KANSL1L: variants seen among roughly 807,000 people sequenced by gnomAD.
KANSL1L encodes the protein KAT8 regulatory NSL complex subunit 1-like protein.
Under a neutral mutation model 108.6 loss-of-function variants are expected in KANSL1L, and 25 were observed. That is an observed-to-expected ratio of 0.23 (90% CI 0.17 to 0.32). The LOEUF (loss-of-function observed/expected upper bound fraction) is 0.32, where lower values mean the gene tolerates loss of function less well. Ranked by LOEUF, KANSL1L falls within the 10% of genes least tolerant of loss-of-function variation. KANSL1L has a pLI of 1.00. For missense variants in KANSL1L, 1,137 were observed against 1,125.7 expected (o/e 1.01, Z -0.14); for synonymous variants, 405 against 395.1 (o/e 1.03, Z -0.30).
At chr2:210,048,888 T>C (rs2094256333) in intron 6 of KANSL1L, among the ~76,000 whole-genome samples, 1 of 152,174 alleles carries the variant, frequency 6.6e-6, no homozygotes, top group Admixed American at 6.5e-5. Flanking sequence ...AACCCAATTC[T>C]TATCTTCAAA....
intron 6 of KANSL1L, among the ~76,000 whole-genome samples, chr2:210,073,623 A>G (rs1307086042): frequency 6.6e-6 from 1 of 152,138 alleles, no homozygotes; most frequent in Non-Finnish European, 1.5e-5. Flanking sequence ...GAGCTACCAT[A>G]TTGGACAGTA....
intron 2 of KANSL1L, among the ~76,000 whole-genome samples, chr2:210,137,581 AAATAT>A (rs1160905310): frequency 6.6e-6 from 1 of 152,346 alleles, no homozygotes; most frequent in Non-Finnish European, 1.5e-5. Context: ...TGACAATCTT[AAATAT>A]ATTATGCAAC....
At chr2:210,048,092 A>G (rs2094245294) in intron 6 of KANSL1L, among the ~76,000 whole-genome samples, 1 of 152,238 alleles carries the variant, frequency 6.6e-6, no homozygotes, top group Admixed American at 6.5e-5. Flanking sequence ...TGCTCTGTGC[A>G]GCCTCAGTAT....
intron 6 of KANSL1L, among the ~76,000 whole-genome samples, chr2:210,068,783 A>G (rs2094485749): frequency 6.6e-6 from 1 of 152,166 alleles, no homozygotes; most frequent in Admixed American, 6.6e-5. Flanking sequence ...GGATTCTCAC[A>G]TATGTCAAGG....
In KANSL1L at chr2:210,153,699, T is replaced by C; in HGVS notation, c.884A>G (p.Glu295Gly). The change falls in exon 2 of 15, where the codon GAA becomes GGA. Residue 295 changes from glutamate (E) to glycine (G), a missense_variant. Glu to Gly is a moderately conservative substitution (Grantham distance 98). Around this residue, in one of 3 missense-constraint regions of KANSL1L, gnomAD observed 556 missense variants for 537.7 expected, o/e 1.03. Coordinates refer to ENST00000281772, the MANE Select transcript of KANSL1L (RefSeq NM_152519.4). ...ATTCTCTGCAGTCAATGTGTTAACT[T>C]CTGGCTTAATTTCAGTGCATTTAGG... is the stretch of plus-strand genomic sequence containing the variant. ...SLPKCTEIKP[E>G]VNTLTAENKL... 1 of 1,606,172 alleles carries C rather than the reference T, an allele frequency of 6.2e-7. No homozygotes were observed.
intron 4 of KANSL1L, 161 bp downstream of exon 4, chr2:210,103,943 A>G: frequency 1.9e-6 from 1 of 517,186 alleles, no homozygotes; most frequent in South Asian, 3.5e-5. Flanking sequence ...TATAATGGAG[A>G]CTGGTCATAT....
In KANSL1L at chr2:210,031,570, T is replaced by C. The variant is rs750109700; in HGVS notation, c.2030-24A>G. The C allele has an allele frequency of 1.9e-5, 27 of 1,449,254 alleles. No individual in the cohort carries two copies. The Middle Eastern group carries it at 5.4e-4, about 29-fold the overall frequency. 89.8% of individuals were successfully genotyped at this position (1,449,254 alleles called of 1,614,324 possible). A position where few individuals can be genotyped will look rare whatever the true frequency, so the allele number is the denominator to read the frequency against. On this transcript the variant is annotated intron_variant, in intron 8 of 14. Transcript: ENST00000281772. ...TACTAAAACAAATGAAAAGGAAATA[T>C]TAAGTTTTAGTTCCTTAACACAGAC... is the stretch of plus-strand genomic sequence containing the variant.
chr2:210,146,943 A>G (rs1432357845), intron 2 of KANSL1L, among the ~76,000 whole-genome samples: 1 of 152,196 alleles, frequency 6.6e-6, no homozygotes, highest in Non-Finnish European at 1.5e-5. Flanking sequence ...ACTTTGGCCT[A>G]AGCCAGCTAA....
intron 11 of KANSL1L, 69 bp from the exon 12 acceptor site, chr2:210,027,419 C>T (rs1267401377): frequency 4.1e-6 from 4 of 985,448 alleles, no homozygotes; most frequent in Admixed American, 1.7e-5. Context: ...ATACTCAGCA[C>T]AGCTAAATGT....
intron 1 of KANSL1L, among the ~76,000 whole-genome samples, chr2:210,169,945 CTTACAATCTCTTAAGACAGAGACCATA>C (rs1280056666): frequency 6.6e-6 from 1 of 152,144 alleles, no homozygotes; most frequent in African/African-American, 2.4e-5. Context: ...TTTCTTCTTT[CTTACAATCTCTTAAGACAGAGACCATA>C]TTATGAAACT....
At chr2:210,051,993 CTTCT>C (rs962812892) in intron 6 of KANSL1L, among the ~76,000 whole-genome samples, 1 of 145,522 alleles carries the variant, frequency 6.9e-6, no homozygotes, top group African/African-American at 2.5e-5. Context: ...TTCTTTCTTT[CTTCT>C]TTCCTTTTTT....
intron 2 of KANSL1L, among the ~76,000 whole-genome samples, chr2:210,146,898 G>A (rs552003726): frequency 6.6e-6 from 1 of 150,706 alleles, no homozygotes; most frequent in African/African-American, 2.4e-5. Context: ...TTTTCTTTTC[G>A]TTACGTGGAT....
chr2:210,079,155 A>G (rs543623808), intron 5 of KANSL1L, among the ~76,000 whole-genome samples: 56 of 152,264 alleles, frequency 3.7e-4, no homozygotes, highest in Middle Eastern at 6.8e-3. Flanking sequence ...AGTCATAATA[A>G]GAAGAGGAGA....
intron 6 of KANSL1L, among the ~76,000 whole-genome samples, chr2:210,051,736 C>T (rs929247240): frequency 3.9e-5 from 6 of 152,168 alleles, no homozygotes; most frequent in South Asian, 2.1e-4. Flanking sequence ...GTTTTCCCTT[C>T]GAAGCTTTAA....
chr2:210,158,555 T>G (rs1423791847), intron 1 of KANSL1L, among the ~76,000 whole-genome samples: 1 of 152,108 alleles, frequency 6.6e-6, no homozygotes, highest in Non-Finnish European at 1.5e-5. Flanking sequence ...AATTTGGGGG[T>G]AATATACTAC....
chr2:210,172,501 T>A (rs1049164561), upstream of KANSL1L, among the ~76,000 whole-genome samples: 3 of 152,212 alleles, frequency 2.0e-5, no homozygotes, highest in African/African-American at 7.2e-5. Flanking sequence ...GTTCTTCTAG[T>A]AGATTGTGAT....
rs2093855422 is a variant in KANSL1L, at chr2:210,021,515, T to C, written c.*1434A>G. ...AGTTTATTTGCCTGGACAACTTGGG[T>C]TTGTCTGGCTTTTGTTTTCTTTTTC... is the stretch of plus-strand genomic sequence containing the variant. On this transcript the variant is annotated 3_prime_UTR_variant, in exon 15 of 15. Coordinates refer to ENST00000281772, the MANE Select transcript of KANSL1L (RefSeq NM_152519.4). 6.6e-6 allele frequency: 1 copy of C among 152,528 alleles called. No homozygotes were observed. The highest frequency in any genetic ancestry group is 1.5e-5 in the Non-Finnish European group (1 of 67,962). 9.4% of individuals were successfully genotyped at this position (152,528 alleles called of 1,614,324 possible).
chr2:210,027,969 TTAGAA>T (rs1415763387), intron 11 of KANSL1L, among the ~76,000 whole-genome samples: 1 of 152,204 alleles, frequency 6.6e-6, no homozygotes, highest in African/African-American at 2.4e-5. Context: ...AGAAATGAAA[TTAGAA>T]TAGAGATGTA....
At chr2:210,035,848 T>A (rs151171868) in intron 8 of KANSL1L, among the ~76,000 whole-genome samples, 1 of 152,332 alleles carries the variant, frequency 6.6e-6, no homozygotes, top group East Asian at 1.9e-4. Context: ...TTGTTTTTGT[T>A]ATTTAAAGAC....
Sources: allele counts gnomAD v4.1 joint callset (sites outside exome capture counted in the v4.1 genomes callset), GRCh38; gene constraint gnomAD v4.1.1; regional missense constraint gnomAD v4.1.1; transcripts MANE v1.5; gene names NCBI Gene and HGNC (gene_info 2026-07-23, HGNC 2026-07-21).